The following ZNF274 variants were observed in gnomAD, a reference collection of about 807,000 sequenced individuals.
The protein encoded by ZNF274 is neurotrophin receptor-interacting factor homolog.
A neutral mutation model predicts 42.5 loss-of-function variants in ZNF274; 23 were observed. The ratio of observed to expected loss-of-function variants is 0.54; its 90% CI spans 0.39 to 0.77. The LOEUF (loss-of-function observed/expected upper bound fraction) is 0.77. ZNF274 is among the 30% of genes least tolerant of loss of function. The pLI, the probability that ZNF274 is intolerant of heterozygous loss-of-function variation, is 0.00. For synonymous variants in ZNF274, 292 were observed against 305.4 expected (o/e 0.96, Z 0.46); for missense variants, 679 against 806.5 (o/e 0.84, Z 1.91).
At chr19:58,200,319 G>A (rs1282799591) in intron 4 of ZNF274, among the ~76,000 whole-genome samples, 1 of 152,110 alleles carries the variant, frequency 6.6e-6, no homozygotes, top group Admixed American at 6.5e-5. Flanking sequence ...CTACTATGTT[G>A]GACAGTACAG....
chr19:58,198,085 C>T (rs1292644271), intron 4 of ZNF274, among the ~76,000 whole-genome samples: 1 of 151,892 alleles, frequency 6.6e-6, no homozygotes. Flanking sequence ...ATACCATCAA[C>T]AGTCCTATAG....
intron 4 of ZNF274, among the ~76,000 whole-genome samples, chr19:58,203,529 G>T (rs910949032): frequency 2.0e-5 from 3 of 146,836 alleles, no homozygotes; most frequent in Non-Finnish European, 4.5e-5. Context: ...AGTGAGCCGA[G>T]ATCCCTCCAC....
At chr19:58,198,951 G>A (rs1568704190) in intron 4 of ZNF274, among the ~76,000 whole-genome samples, 1 of 151,948 alleles carries the variant, frequency 6.6e-6, no homozygotes, top group Non-Finnish European at 1.5e-5. Flanking sequence ...GGTGAAGTGG[G>A]AGAATTGCTG....
intron 4 of ZNF274, among the ~76,000 whole-genome samples, chr19:58,205,978 A>G (rs1450841516): frequency 1.3e-5 from 2 of 152,208 alleles, no homozygotes; most frequent in Non-Finnish European, 2.9e-5. Context: ...TGTACAGTTC[A>G]GTGTTTTTAA....
At position 58,187,049 on chromosome 19, in the gene ZNF274, A is replaced by G; in HGVS notation, c.256+7A>G. ...CCTCAAGACACCATTCCAGGTGAGAACCAGACATGGGAAGCCCCCACAGGG... is the reference window on the plus strand; with the variant it reads ...CCTCAAGACACCATTCCAGGTGAGAGCCAGACATGGGAAGCCCCCACAGGG... On this transcript the variant is annotated splice_region_variant and intron_variant, in intron 4 of 7. Coordinates refer to ENST00000617501, the MANE Select transcript of ZNF274 (RefSeq NM_133502.3). 1 of 1,608,868 alleles carries G rather than the reference A, an allele frequency of 6.2e-7. No homozygotes were observed. The highest frequency in any genetic ancestry group is 8.5e-7 in the Non-Finnish European group (1 of 1,177,426).
chr19:58,204,112 C>G (rs1273110983), intron 4 of ZNF274, among the ~76,000 whole-genome samples: 1 of 152,170 alleles, frequency 6.6e-6, no homozygotes, highest in Non-Finnish European at 1.5e-5. Flanking sequence ...GGTTGGGAGC[C>G]GTCTGCTGTG....
chr19:58,205,221 C>T (rs1280415516), intron 4 of ZNF274, among the ~76,000 whole-genome samples: 6 of 152,198 alleles, frequency 3.9e-5, no homozygotes, highest in African/African-American at 1.4e-4. Flanking sequence ...TAGAATTGTG[C>T]TGACCATTTA....
chr19:58,205,429 C>T (rs2075969468), intron 4 of ZNF274, among the ~76,000 whole-genome samples: 1 of 152,100 alleles, frequency 6.6e-6, no homozygotes, highest in South Asian at 2.1e-4. Context: ...ACTGTAAAAT[C>T]AAATTATTGG....
intron 4 of ZNF274, among the ~76,000 whole-genome samples, chr19:58,200,002 TGG>T (rs1555819089): frequency 6.6e-6 from 1 of 152,234 alleles, no homozygotes; most frequent in Non-Finnish European, 1.5e-5. Flanking sequence ...CATTTTACCA[TGG>T]GACCAGAAAT....
chr19:58,187,054 A>C lies in ZNF274; in HGVS notation c.256+12A>C. ...AGACACCATTCCAGGTGAGAACCAG[A>C]CATGGGAAGCCCCCACAGGGAAGGG... On this transcript the variant is annotated intron_variant, in intron 4 of 7. Transcript: ENST00000617501. 6.2e-7 allele frequency: 1 copy of C among 1,606,288 alleles called. No individual in the cohort carries two copies. The highest frequency in any genetic ancestry group is 8.5e-7 in the Non-Finnish European group (1 of 1,175,806).
At chr19:58,188,746 C>T (rs887571467) in intron 4 of ZNF274, among the ~76,000 whole-genome samples, 73 of 120,276 alleles carry the variant, frequency 6.1e-4, no homozygotes, top group South Asian at 2.2e-3. Context: ...ATAGGCCAGG[C>T]ACCAGGGGCT....
chr19:58,204,152 G>A (rs1287414977), intron 4 of ZNF274, among the ~76,000 whole-genome samples: 1 of 152,218 alleles, frequency 6.6e-6, no homozygotes, highest in African/African-American at 2.4e-5. Flanking sequence ...CCCAGCCCGC[G>A]AGGTCCGGAG....
chr19:58,200,541 C>G (rs1600146499), intron 4 of ZNF274, among the ~76,000 whole-genome samples: 1 of 151,998 alleles, frequency 6.6e-6, no homozygotes, highest in South Asian at 2.1e-4. Flanking sequence ...GAGGAGGTGA[C>G]GTTTGAGCTC....
chr19:58,212,100 T>G lies in ZNF274; in HGVS notation c.980-61T>G. Reference sequence around the variant, plus strand: ...TTGAACTTAATTATGCATTTCATGCTCTCAGACCCATCCCAGCACATCTCT... The same window carrying G: ...TTGAACTTAATTATGCATTTCATGCGCTCAGACCCATCCCAGCACATCTCT... On this transcript the variant is annotated intron_variant, in intron 7 of 7. Coordinates refer to ENST00000617501, the MANE Select transcript of ZNF274 (RefSeq NM_133502.3). This position sits in a 1 kb window ranked among gnomAD's most constrained non-coding sequence, Gnocchi z 4.6. 1 of 1,524,638 alleles carries G rather than the reference T, an allele frequency of 6.6e-7. No individual in the cohort carries two copies. The highest frequency in any genetic ancestry group is 8.7e-7 in the Non-Finnish European group (1 of 1,145,878). The allele number at this position is 1,524,638 out of a possible 1,614,324, so 94.4% of individuals were successfully genotyped here.
At position 58,211,399 on chromosome 19, in the gene ZNF274, C is replaced by T; in HGVS notation, c.853-161C>T. The T allele has an allele frequency of 2.3e-6, 2 of 884,254 alleles. No homozygotes were observed. The highest frequency in any genetic ancestry group is 3.3e-6 in the Non-Finnish European group (2 of 612,398). The allele number at this position is 884,254 out of a possible 1,614,324, so 54.8% of individuals were successfully genotyped here. A position where few individuals can be genotyped will look rare whatever the true frequency, so the allele number is the denominator to read the frequency against. On this transcript the variant is annotated intron_variant, in intron 6 of 7. Coordinates refer to ENST00000617501, the MANE Select transcript of ZNF274 (RefSeq NM_133502.3). The surrounding 1 kb of genome is among the most constrained non-coding windows in gnomAD (Gnocchi z 4.8). ...AGACCCTGGTTTGGACCCAGTAGAACTCTTGTGGGCCCTGGGTTGGTGTCT... is the reference window on the plus strand; with the variant it reads ...AGACCCTGGTTTGGACCCAGTAGAATTCTTGTGGGCCCTGGGTTGGTGTCT...
chr19:58,189,619 AAAAAAG>A (rs2075754658), intron 4 of ZNF274, among the ~76,000 whole-genome samples: 1 of 152,176 alleles, frequency 6.6e-6, no homozygotes, highest in Non-Finnish European at 1.5e-5. Context: ...TGTCATTTAA[AAAAAAG>A]AAAAAGTCTT....
chr19:58,187,422 A>C (rs2075712638), intron 4 of ZNF274, among the ~76,000 whole-genome samples: 2 of 152,166 alleles, frequency 1.3e-5, no homozygotes, highest in African/African-American at 2.4e-5. Context: ...TAATACAGAC[A>C]AGTCAGCTTC....
At chr19:58,199,470 C>T (rs36100363) in intron 4 of ZNF274, among the ~76,000 whole-genome samples, 28,811 of 151,622 alleles carry the variant, frequency 0.19, 3,537 homozygotes, top group Middle Eastern at 0.37. Context: ...GGCTCAATCC[C>T]GATACTTTGG....
chr19:58,201,157 G>A (rs1400614985), intron 4 of ZNF274, among the ~76,000 whole-genome samples: 3 of 149,610 alleles, frequency 2.0e-5, no homozygotes, highest in African/African-American at 4.9e-5. Context: ...GGCACATGCC[G>A]CTACGCCTGG....
Sources: allele counts gnomAD v4.1 joint callset (sites outside exome capture counted in the v4.1 genomes callset), GRCh38; gene constraint gnomAD v4.1.1; non-coding constraint Gnocchi (gnomAD v3.1); transcripts MANE v1.5; gene names NCBI Gene and HGNC (gene_info 2026-07-23, HGNC 2026-07-21).